ITM2C: variants seen among roughly 807,000 people sequenced by gnomAD.
ITM2C encodes the protein BRICHOS domain containing 2C.
ITM2C carries 20 observed loss-of-function variants against 30.0 expected under a neutral mutation model. The ratio of observed to expected loss-of-function variants is 0.67; its 90% CI spans 0.47 to 0.97. ITM2C has a LOEUF of 0.97. Ranked by LOEUF, ITM2C falls within the 50% of genes least tolerant of loss-of-function variation. The pLI, the probability that ITM2C is intolerant of heterozygous loss-of-function variation, is 0.00. For synonymous variants in ITM2C, 167 were observed against 156.4 expected (o/e 1.07, Z -0.51); for missense variants, 366 against 371.9 (o/e 0.98, Z 0.13).
In ITM2C at chr2:230,865,485, G is replaced by C. The variant is rs375722137; in HGVS notation, c.120+340G>C. 56 of 213,688 alleles carry C rather than the reference G, an allele frequency of 2.6e-4. No individual in the cohort carries two copies. Among genetic ancestry groups the C allele is most frequent in the Non-Finnish European group, 4.7e-4 (51 of 108,604 alleles). 13.2% of individuals were successfully genotyped at this position (213,688 alleles called of 1,614,324 possible). A position where few individuals can be genotyped will look rare whatever the true frequency, so the allele number is the denominator to read the frequency against. Reference sequence around the variant, plus strand: ...GAAGAAGTTCGAGGAATGTTGGTGGGGGGGTACGCGTCTGGTTCCAATCAA... The same window carrying C: ...GAAGAAGTTCGAGGAATGTTGGTGGCGGGGTACGCGTCTGGTTCCAATCAA... On this transcript the variant is annotated intron_variant, in intron 1 of 5. Transcript: ENST00000326427. The surrounding 1 kb of genome is among the most constrained non-coding windows in gnomAD (Gnocchi z 6.8).
intron 1 of ITM2C, among the ~76,000 whole-genome samples, chr2:230,866,014 C>T (rs1486115274): frequency 1.3e-5 from 2 of 152,092 alleles, no homozygotes; most frequent in East Asian, 1.9e-4. Flanking sequence ...TCCCTCTGGC[C>T]GGGGGGGAGA....
chr2:230,867,416 C>G (rs1024240361), intron 1 of ITM2C, among the ~76,000 whole-genome samples: 1 of 152,162 alleles, frequency 6.6e-6, no homozygotes, highest in African/African-American at 2.4e-5. Flanking sequence ...AGCCAGGCCT[C>G]GTCTCCTGCC....
intron 2 of ITM2C, among the ~76,000 whole-genome samples, chr2:230,874,304 G>A (rs1243592890): frequency 6.6e-6 from 1 of 151,980 alleles, no homozygotes; most frequent in Admixed American, 6.5e-5. Flanking sequence ...GCATTCACGG[G>A]GCTTTCCCCT....
In ITM2C at chr2:230,865,978, C is replaced by T. The variant is rs1697019029; in HGVS notation, c.120+833C>T. On this transcript the variant is annotated intron_variant, in intron 1 of 5. Coordinates refer to ENST00000326427, the MANE Select transcript of ITM2C (RefSeq NM_030926.6). This position sits in a 1 kb window ranked among gnomAD's most constrained non-coding sequence, Gnocchi z 6.8. ...GCGTTCCCCCACCCCTGTCATCCCC[C>T]TCCCCTACCCCGGCTTCCTCCACTT... 6.6e-6 allele frequency among the ~76,000 whole-genome samples: 1 copy of T among 152,234 alleles called. No homozygotes were observed.
chr2:230,873,461 G>GGGC lies in ITM2C; in HGVS notation c.170_172dup (p.Gly57dup). 6.2e-7 allele frequency: 1 copy of GGGC among 1,609,020 alleles called. No homozygotes were observed. The highest frequency in any genetic ancestry group is 1.1e-5 in the South Asian group (1 of 89,896). On this transcript the variant is annotated inframe_insertion, in exon 2 of 6. Coordinates refer to ENST00000326427, the MANE Select transcript of ITM2C (RefSeq NM_030926.6). Reference sequence around the variant, plus strand: ...ATCGATCCAAGAGGGGGGGCTCAGTGGGCGGCGTGTGCTACCTGTCGATGG... The same window carrying GGGC: ...ATCGATCCAAGAGGGGGGGCTCAGTGGGCGGCGGCGTGTGCTACCTGTCGATGG...
intron 3 of ITM2C, among the ~76,000 whole-genome samples, chr2:230,876,101 G>T (rs1381084062): frequency 6.6e-6 from 1 of 152,196 alleles, no homozygotes; most frequent in Non-Finnish European, 1.5e-5. Flanking sequence ...TGCATTGCGT[G>T]TACAGCTCAG....
chr2:230,864,422 A>C (rs1368609184), upstream of ITM2C, among the ~76,000 whole-genome samples: 1 of 152,182 alleles, frequency 6.6e-6, no homozygotes, highest in African/African-American at 2.4e-5. This position sits in a 1 kb window ranked among gnomAD's most constrained non-coding sequence, Gnocchi z 4.3. Flanking sequence ...GGCAAGACGG[A>C]GGCAGCAGTT....
chr2:230,869,456 C>G (rs1697110013), intron 1 of ITM2C, among the ~76,000 whole-genome samples: 1 of 152,144 alleles, frequency 6.6e-6, no homozygotes, highest in African/African-American at 2.4e-5. Context: ...CACACACACT[C>G]GGTGGGTGCC....
chr2:230,876,519 T>C (rs1432892139), intron 3 of ITM2C, among the ~76,000 whole-genome samples: 2 of 151,906 alleles, frequency 1.3e-5, no homozygotes, highest in Non-Finnish European at 2.9e-5. Context: ...TCTCGCTCTG[T>C]CGCCCAGGCT....
intron 1 of ITM2C, among the ~76,000 whole-genome samples, chr2:230,869,761 C>A (rs923402855): frequency 1.3e-5 from 2 of 152,186 alleles, no homozygotes; most frequent in Non-Finnish European, 2.9e-5. Flanking sequence ...TCCCCCTGAC[C>A]ATTTTGGCCC....
At chr2:230,873,387 C>G (rs371087366) in intron 1 of ITM2C, 30 bp from the exon 2 acceptor site, 1 of 1,502,892 alleles carries the variant, frequency 6.7e-7, no homozygotes, top group Non-Finnish European at 8.9e-7. Context: ...GGGGCCCTGG[C>G]CCCCACTGAC....
At chr2:230,871,206 A>G (rs2125018291) in intron 1 of ITM2C, among the ~76,000 whole-genome samples, 1 of 152,284 alleles carries the variant, frequency 6.6e-6, no homozygotes, top group African/African-American at 2.4e-5. Flanking sequence ...CCTAAATACA[A>G]TCTGAGCCCT....
At chr2:230,872,805 A>G (rs1465606538) in intron 1 of ITM2C, among the ~76,000 whole-genome samples, 4 of 152,092 alleles carry the variant, frequency 2.6e-5, no homozygotes, top group Non-Finnish European at 5.9e-5. Context: ...CCCTGCCCCC[A>G]TCAGTCACAG....
chr2:230,875,295 C>G (rs1485505986), intron 2 of ITM2C, among the ~76,000 whole-genome samples: 1 of 152,190 alleles, frequency 6.6e-6, no homozygotes, highest in South Asian at 2.1e-4. Context: ...TAGGGATCAT[C>G]ATGCTTTACT....
At position 230,877,927 on chromosome 2, in the gene ITM2C, C is replaced by T. The variant is rs891440953; in HGVS notation, c.713-81C>T. On this transcript the variant is annotated intron_variant, in intron 5 of 5. Transcript: ENST00000326427. The surrounding 1 kb of genome is among the most constrained non-coding windows in gnomAD (Gnocchi z 4.8). Reference sequence around the variant, plus strand: ...TGAATGGTGTCACTTCCTGGCCCTCCTGTGGCTCAGGCTGAGGCTGGTGGT... The same window carrying T: ...TGAATGGTGTCACTTCCTGGCCCTCTTGTGGCTCAGGCTGAGGCTGGTGGT... 15 of 1,127,746 alleles carry T rather than the reference C, an allele frequency of 1.3e-5. No individual in the cohort carries two copies. The African/African-American group carries it at 2.0e-4, about 15-fold the overall frequency. The allele number at this position is 1,127,746 out of a possible 1,614,324, so 69.9% of individuals were successfully genotyped here. A position where few individuals can be genotyped will look rare whatever the true frequency, so the allele number is the denominator to read the frequency against.
rs1001297753 is a variant in ITM2C, at chr2:230,877,750, T to C, written c.712+200T>C. ...TGTAAGTCATTCTCATCCTCATTAT[T>C]ATTTTTGCTGCCCATTTTAAAGATG... is the stretch of plus-strand genomic sequence containing the variant. On this transcript the variant is annotated intron_variant, in intron 5 of 5. Coordinates refer to ENST00000326427, the MANE Select transcript of ITM2C (RefSeq NM_030926.6). This position sits in a 1 kb window ranked among gnomAD's most constrained non-coding sequence, Gnocchi z 4.8. Among the ~76,000 whole-genome samples, 1 of 152,214 alleles carries C rather than the reference T, an allele frequency of 6.6e-6. No individual in the cohort carries two copies. Among genetic ancestry groups the C allele is most frequent in the Non-Finnish European group, 1.5e-5 (1 of 68,024 alleles).
Position 230,865,087 on chromosome 2 carries a change from C to T in ITM2C, c.62C>T (p.Ala21Val), listed in dbSNP as rs149334809. 7.3e-3 allele frequency: 11,095 copies of T among 1,529,180 alleles called. 59 individuals carry two copies. The highest frequency in any genetic ancestry group is 0.029 in the Middle Eastern group (167 of 5,858). The allele number at this position is 1,529,180 out of a possible 1,614,324, so 94.7% of individuals were successfully genotyped here. A position where few individuals can be genotyped will look rare whatever the true frequency, so the allele number is the denominator to read the frequency against. ...AGIKGDKADK[A>V]SASAPAPASA... ...ATCAAGGGCGACAAGGCTGACAAGG[C>T]GTCGGCGTCGGCCCCTGCGCCGGCC... Residue 21 changes from alanine (A) to valine (V), a missense_variant, in exon 1 of 6, where the codon GCG (alanine) becomes GTG (valine). Physicochemically the swap from Ala to Val is moderately conservative, Grantham distance 64. Transcript: ENST00000326427. The surrounding 1 kb of genome is among the most constrained non-coding windows in gnomAD (Gnocchi z 6.8).
In ITM2C at chr2:230,878,020, G is replaced by C. The variant is rs373865902; in HGVS notation, c.725G>C (p.Arg242Pro). The C allele has an allele frequency of 1.2e-6, 2 of 1,612,668 alleles. No individual in the cohort carries two copies. Among genetic ancestry groups the C allele is most frequent in the East Asian group, 4.5e-5 (2 of 44,782 alleles). Residue 242 changes from arginine (R) to proline (P), a missense_variant, in exon 6 of 6, where the codon CGT becomes CCT. Physicochemically the swap from Arg to Pro is moderately radical, Grantham distance 103. Coordinates refer to ENST00000326427, the MANE Select transcript of ITM2C (RefSeq NM_030926.6). The surrounding 1 kb of genome is among the most constrained non-coding windows in gnomAD (Gnocchi z 4.5). ...RRATRRRINK[R>P]GAKNCNAIRH... Reference sequence around the variant, plus strand: ...TTTTTCCTCCCAGGGATCAACAAGCGTGGGGCCAAGAACTGCAATGCCATC... The same window carrying C: ...TTTTTCCTCCCAGGGATCAACAAGCCTGGGGCCAAGAACTGCAATGCCATC...
intron 3 of ITM2C, 110 bp from the exon 4 acceptor site, chr2:230,876,747 T>C: frequency 1.5e-6 from 1 of 688,954 alleles, no homozygotes; most frequent in Non-Finnish European, 2.6e-6. Flanking sequence ...CCCAAAGTGC[T>C]GGGATTACAG....
Sources: allele counts gnomAD v4.1 joint callset (sites outside exome capture counted in the v4.1 genomes callset), GRCh38; gene constraint gnomAD v4.1.1; non-coding constraint Gnocchi (gnomAD v3.1); transcripts MANE v1.5; gene names NCBI Gene and HGNC (gene_info 2026-07-23, HGNC 2026-07-21).